KY: variants seen among roughly 807,000 people sequenced by gnomAD.
The protein encoded by KY is kyphoscoliosis peptidase.
In KY, 43 loss-of-function variants were observed where a neutral mutation model predicts 76.1. The ratio of observed to expected loss-of-function variants is 0.57; its 90% confidence interval spans 0.44 to 0.73. The LOEUF (loss-of-function observed/expected upper bound fraction) is 0.73, where lower values mean the gene tolerates loss of function less well. Ranked by LOEUF, KY falls within the 30% of genes least tolerant of loss-of-function variation. KY has a pLI of 0.00. For missense variants in KY, 722 were observed against 828.9 expected (o/e 0.87, Z 1.58); for synonymous variants, 277 against 326.2 (o/e 0.85, Z 1.63).
chr3:134,642,706 T>A (rs1258434841), intron 3 of KY, among the ~76,000 whole-genome samples: 1 of 152,016 alleles, frequency 6.6e-6, no homozygotes, highest in Non-Finnish European at 1.5e-5. Flanking sequence ...CTGCTATTGG[T>A]CAGGACAAGG....
rs139835534 is a variant in KY at position 134,600,055 on chromosome 3, G to A, written c.*3524C>T. Among the ~76,000 whole-genome samples the A allele has an allele frequency of 1.4e-4, 21 of 152,256 alleles. No individual in the cohort carries two copies. The highest frequency in any genetic ancestry group is 4.3e-4 in the African/African-American group (18 of 41,544). ...GAAGTAATCACCTCTTTCAATTGCC[G>A]ACTACTTACTCCAAATGAAAAGAAA... is the stretch of plus-strand genomic sequence containing the variant. On this transcript the variant is annotated 3_prime_UTR_variant, in exon 11 of 11. Coordinates refer to ENST00000423778, the MANE Select transcript of KY (RefSeq NM_178554.6).
At chr3:134,633,443 A>C (rs561817974) in intron 3 of KY, among the ~76,000 whole-genome samples, 1 of 152,274 alleles carries the variant, frequency 6.6e-6, no homozygotes, top group South Asian at 2.1e-4. Flanking sequence ...AAAGCTGGTT[A>C]AATATTTGGA....
At position 134,601,649 on chromosome 3, in the gene KY, G is replaced by T. The variant is rs1263270634; in HGVS notation, c.*1930C>A. On this transcript the variant is annotated 3_prime_UTR_variant, in exon 11 of 11. Coordinates refer to ENST00000423778, the MANE Select transcript of KY (RefSeq NM_178554.6). Reference sequence around the variant, plus strand: ...GTGTGAGTGACACGAGGCTGGCTGGGTGGCCTCGGTGGCAGAGACTGCGGA... The same window carrying T: ...GTGTGAGTGACACGAGGCTGGCTGGTTGGCCTCGGTGGCAGAGACTGCGGA... Among the ~76,000 whole-genome samples, 1 of 152,246 alleles carries T rather than the reference G, an allele frequency of 6.6e-6. No individual in the cohort carries two copies. Among genetic ancestry groups the T allele is most frequent in the Admixed American group, 6.5e-5 (1 of 15,292 alleles).
At chr3:134,616,357 G>T (rs1961568808) in intron 8 of KY, among the ~76,000 whole-genome samples, 1 of 152,126 alleles carries the variant, frequency 6.6e-6, no homozygotes, top group Non-Finnish European at 1.5e-5. Flanking sequence ...GGAATGGACT[G>T]GCAAAAAGTA....
Position 134,625,142 on chromosome 3 carries a change from AC to A in KY, c.401-8del, listed in dbSNP as rs1462201859. 6.3e-7 allele frequency: 1 copy of A among 1,590,914 alleles called. No individual in the cohort carries two copies. Among genetic ancestry groups the A allele is most frequent in the Non-Finnish European group, 8.6e-7 (1 of 1,168,250 alleles). ...GATCGATCCCAGGGGTAGGCTGGAA[AC>A]ACAGGGCACCTTGGTCAGCAGCTGA... On this transcript the variant is annotated splice_region_variant and splice_polypyrimidine_tract_variant and intron_variant, in intron 5 of 10. Coordinates refer to ENST00000423778, the MANE Select transcript of KY (RefSeq NM_178554.6).
intron 8 of KY, among the ~76,000 whole-genome samples, chr3:134,617,277 C>T (rs1354411156): frequency 6.6e-6 from 1 of 152,160 alleles, no homozygotes; most frequent in Non-Finnish European, 1.5e-5. Flanking sequence ...AGATGCTAGG[C>T]ACAAATGGAG....
In KY at chr3:134,618,954, C is replaced by A. The variant is rs75618193; in HGVS notation, c.710+194G>T. Among the ~76,000 whole-genome samples the A allele has an allele frequency of 9.2e-5, 14 of 152,244 alleles. 1 individual carries two copies. The highest frequency in any genetic ancestry group is 3.4e-4 in the African/African-American group (14 of 41,542). On this transcript the variant is annotated intron_variant, in intron 8 of 10. Coordinates refer to ENST00000423778, the MANE Select transcript of KY (RefSeq NM_178554.6). ...CATTATGTTAATGCATCGCGAAGCC[C>A]GGCAGATGGTACAAAGTCAATTATG... is the stretch of plus-strand genomic sequence containing the variant.
chr3:134,635,744 A>T (rs1431461935), intron 3 of KY, among the ~76,000 whole-genome samples: 1 of 152,202 alleles, frequency 6.6e-6, no homozygotes, highest in East Asian at 1.9e-4. Flanking sequence ...AATTTAAAAT[A>T]AAAATAAAAG....
At position 134,649,131 on chromosome 3, in the gene KY, G is replaced by T. The variant is rs561912361; in HGVS notation, c.137-1634C>A. Reference sequence around the variant, plus strand: ...GCTCTGGTTGTGAATAAGTGACACAGATCTCTACACTGTCATTCATAGCAT... The same window carrying T: ...GCTCTGGTTGTGAATAAGTGACACATATCTCTACACTGTCATTCATAGCAT... On this transcript the variant is annotated intron_variant, in intron 1 of 10. Coordinates refer to ENST00000423778, the MANE Select transcript of KY (RefSeq NM_178554.6). 7.0e-3 allele frequency among the ~76,000 whole-genome samples: 1,071 copies of T among 152,338 alleles called. 11 individuals are homozygous for T. The highest frequency in any genetic ancestry group is 0.024 in the African/African-American group (1,005 of 41,570).
At chr3:134,643,024 T>A (rs1274786462) in intron 3 of KY, among the ~76,000 whole-genome samples, 2 of 152,068 alleles carry the variant, frequency 1.3e-5, no homozygotes, top group South Asian at 2.1e-4. Context: ...TCAACAAATG[T>A]TGAATGTTGA....
chr3:134,617,495 A>G (rs1961772292), intron 8 of KY, among the ~76,000 whole-genome samples: 1 of 152,196 alleles, frequency 6.6e-6, no homozygotes, highest in African/African-American at 2.4e-5. Flanking sequence ...GATGTATGAC[A>G]ACAACCGAGC....
In KY at chr3:134,600,706, T is replaced by C. The variant is rs901491372; in HGVS notation, c.*2873A>G. 1.3e-5 allele frequency: 2 copies of C among 152,256 alleles called. No individual in the cohort carries two copies. Among genetic ancestry groups the C allele is most frequent in the African/African-American group, 4.8e-5 (2 of 41,450 alleles). 9.4% of individuals were successfully genotyped at this position (152,256 alleles called of 1,614,324 possible). A position where few individuals can be genotyped will look rare whatever the true frequency, so the allele number is the denominator to read the frequency against. On this transcript the variant is annotated 3_prime_UTR_variant, in exon 11 of 11. Coordinates refer to ENST00000423778, the MANE Select transcript of KY (RefSeq NM_178554.6). ...TTCCAATCCTTCAATGGTATAGTAA[T>C]GAGTGTAGTCACAGCTGTTCCATCC...
At position 134,602,848 on chromosome 3, in the gene KY, C is replaced by A. The variant is rs531421734; in HGVS notation, c.*731G>T. ...AGTGTCCCTCCCACCTGCACAGCCA[C>A]AGCGGGCATGGGCTGCTCTTTGCTT... is the stretch of plus-strand genomic sequence containing the variant. On this transcript the variant is annotated 3_prime_UTR_variant, in exon 11 of 11. Transcript: ENST00000423778. 2.5e-4 allele frequency among the ~76,000 whole-genome samples: 38 copies of A among 152,370 alleles called. No homozygotes were observed. The highest frequency in any genetic ancestry group is 9.1e-4 in the African/African-American group (38 of 41,590).
In KY at chr3:134,650,817, C is replaced by G. The variant is rs939939817; in HGVS notation, c.136+8G>C. ...GGGACCCGGGGACCCGGGTCGGGCGCGCGTTACCTCCTCCGCGCTGCAGCA... is the reference window on the plus strand; with the variant it reads ...GGGACCCGGGGACCCGGGTCGGGCGGGCGTTACCTCCTCCGCGCTGCAGCA... On this transcript the variant is annotated splice_region_variant and intron_variant, in intron 1 of 10. Coordinates refer to ENST00000423778, the MANE Select transcript of KY (RefSeq NM_178554.6). 17 of 1,573,402 alleles carry G rather than the reference C, an allele frequency of 1.1e-5. No individual in the cohort carries two copies. Among genetic ancestry groups the G allele is most frequent in the Non-Finnish European group, 1.4e-5 (16 of 1,158,132 alleles).
intron 3 of KY, among the ~76,000 whole-genome samples, chr3:134,630,161 T>C (rs560026443): frequency 1.3e-5 from 2 of 152,372 alleles, no homozygotes; most frequent in Admixed American, 6.5e-5. Flanking sequence ...CCTCTCTTTC[T>C]GGCTTGCAGA....
intron 8 of KY, among the ~76,000 whole-genome samples, 163 bp downstream of exon 8, chr3:134,618,985 G>A (rs1398171712): frequency 2.0e-5 from 3 of 152,208 alleles, no homozygotes; most frequent in African/African-American, 7.2e-5. Flanking sequence ...TTATGCTGGT[G>A]TTAAAAAGGG....
At chr3:134,643,431 G>GT in intron 2 of KY, 53 bp from the exon 3 acceptor site, 1 of 1,520,222 alleles carries the variant, frequency 6.6e-7, no homozygotes, top group Non-Finnish European at 9.1e-7. Context: ...ATTTTCCCCA[G>GT]GCAGAGCAAA....
intron 2 of KY, 62 bp downstream of exon 2, chr3:134,647,373 A>G: frequency 5.4e-6 from 7 of 1,306,340 alleles, no homozygotes; most frequent in East Asian, 4.8e-5. Flanking sequence ...GTGAAACCCA[A>G]TTCTTCCAGT....
intron 3 of KY, among the ~76,000 whole-genome samples, chr3:134,637,263 G>T (rs1965101773): frequency 6.6e-6 from 1 of 152,176 alleles, no homozygotes; most frequent in African/African-American, 2.4e-5. Flanking sequence ...GGGTGCTATC[G>T]CCATCAGCAG....
Sources: gnomAD v4.1 joint callset for allele counts (sites outside exome capture counted in the v4.1 genomes callset) on GRCh38, gnomAD v4.1.1 for gene constraint, MANE v1.5 for transcripts, NCBI Gene and HGNC (gene_info 2026-07-23, HGNC 2026-07-21) for gene names.